The following TTC28 variants were observed in gnomAD, a reference collection of about 807,000 sequenced individuals.
TTC28 encodes the protein tetratricopeptide repeat protein 28.
Under a neutral mutation model 198.0 loss-of-function variants are expected in TTC28, and 61 were observed. The ratio of observed to expected loss-of-function variants is 0.31; its 90% CI spans 0.25 to 0.38. The LOEUF (loss-of-function observed/expected upper bound fraction) is 0.38, where lower values mean the gene tolerates loss of function less well. TTC28 is among the 10% of genes least tolerant of loss of function. The pLI is 1.00. For missense variants in TTC28, 2,678 were observed against 3,164.0 expected (o/e 0.85, Z 3.69); for synonymous variants, 1,171 against 1,297.8 (o/e 0.90, Z 2.10).
At chr22:28,663,075 C>T (rs929270664) in intron 1 of TTC28, among the ~76,000 whole-genome samples, 1 of 151,756 alleles carries the variant, frequency 6.6e-6, no homozygotes, top group Non-Finnish European at 1.5e-5. Context: ...AGTGAAACCC[C>T]GTCTGTACTA....
At chr22:28,649,785 T>G (rs1394177910) in intron 1 of TTC28, among the ~76,000 whole-genome samples, 1 of 152,234 alleles carries the variant, frequency 6.6e-6, no homozygotes, top group East Asian at 1.9e-4. Context: ...TATTAAAATT[T>G]CAAATTCAAC....
chr22:28,050,936 G>GATT (rs1390529131), intron 12 of TTC28, among the ~76,000 whole-genome samples: 4 of 152,098 alleles, frequency 2.6e-5, no homozygotes, highest in African/African-American at 9.7e-5. Flanking sequence ...GGGGTGTGTG[G>GATT]TAGCTTTATT....
intron 2 of TTC28, among the ~76,000 whole-genome samples, chr22:28,600,545 G>A (rs1430097452): frequency 2.6e-5 from 4 of 152,110 alleles, no homozygotes; most frequent in Non-Finnish European, 4.4e-5. Context: ...TTCCAATTGT[G>A]CAGTTCTACA....
intron 5 of TTC28, among the ~76,000 whole-genome samples, chr22:28,192,552 T>A (rs568562299): frequency 1.4e-4 from 22 of 152,142 alleles, no homozygotes; most frequent in Non-Finnish European, 2.8e-4. Flanking sequence ...GAGAAAAGAT[T>A]GGATGAATGG....
intron 2 of TTC28, among the ~76,000 whole-genome samples, chr22:28,524,966 C>A (rs1482657074): frequency 6.6e-6 from 1 of 152,056 alleles, no homozygotes; most frequent in Non-Finnish European, 1.5e-5. Flanking sequence ...TATTCAAAAT[C>A]ATATTTTGTT....
chr22:28,329,628 A>T (rs1165398829), intron 2 of TTC28, among the ~76,000 whole-genome samples: 1 of 152,178 alleles, frequency 6.6e-6, no homozygotes, highest in Non-Finnish European at 1.5e-5. Context: ...AGACACTTTA[A>T]TGCTGAAATG....
At chr22:28,284,183 C>G (rs1418690475) in intron 5 of TTC28, among the ~76,000 whole-genome samples, 1 of 152,080 alleles carries the variant, frequency 6.6e-6, no homozygotes, top group Non-Finnish European at 1.5e-5. Flanking sequence ...ATTACAGCAC[C>G]TTGTACATAG....
chr22:28,650,061 A>G (rs990408999), intron 1 of TTC28, among the ~76,000 whole-genome samples: 7 of 152,110 alleles, frequency 4.6e-5, no homozygotes, highest in Admixed American at 3.9e-4. Context: ...TATAATCATG[A>G]CTGTCATACA....
intron 14 of TTC28, among the ~76,000 whole-genome samples, chr22:28,010,117 A>AG (rs936486638): frequency 2.0e-5 from 3 of 152,198 alleles, no homozygotes; most frequent in African/African-American, 7.2e-5. Context: ...GGGCGGGTTC[A>AG]GGGGCCCCTT....
chr22:28,090,593 T>C (rs1348541203), intron 12 of TTC28, among the ~76,000 whole-genome samples: 1 of 152,186 alleles, frequency 6.6e-6, no homozygotes, highest in East Asian at 1.9e-4. Flanking sequence ...CATAAACATG[T>C]AAAAAGATTT....
At chr22:28,384,254 T>C (rs1395353936) in intron 2 of TTC28, among the ~76,000 whole-genome samples, 1 of 152,180 alleles carries the variant, frequency 6.6e-6, no homozygotes, top group Non-Finnish European at 1.5e-5. Context: ...GTTTGTTAGT[T>C]GGTTTTTTGT....
chr22:28,645,200 A>C (rs2051439319), intron 1 of TTC28, among the ~76,000 whole-genome samples: 1 of 152,216 alleles, frequency 6.6e-6, no homozygotes, highest in Non-Finnish European at 1.5e-5. Flanking sequence ...CCGTCTCAAA[A>C]AAAAATTGTA....
intron 2 of TTC28, among the ~76,000 whole-genome samples, chr22:28,489,145 A>T (rs2048345031): frequency 6.6e-6 from 1 of 152,030 alleles, no homozygotes; most frequent in Admixed American, 6.6e-5. Flanking sequence ...TTAGCTGGGC[A>T]CAGTAGGGCA....
At chr22:28,174,696 C>A (rs1323330360) in intron 5 of TTC28, among the ~76,000 whole-genome samples, 1 of 152,078 alleles carries the variant, frequency 6.6e-6, no homozygotes, top group African/African-American at 2.4e-5. Context: ...CTGGATGACA[C>A]AGCGAAACCC....
rs1927337054 is a variant in TTC28 at position 28,215,697 on chromosome 22, T to C, written c.934-52098A>G. Among the ~76,000 whole-genome samples, 4 of 152,120 alleles carry C rather than the reference T, an allele frequency of 2.6e-5. No homozygotes were observed. The South Asian group carries it at 8.3e-4, about 32-fold the overall frequency. On this transcript the variant is annotated intron_variant, in intron 5 of 22. Transcript: ENST00000397906. The stretch of plus-strand genomic sequence containing the variant: ...GTAAGTTGGTGTTGAATCAGAAGAC[T>C]AGGATCCTAGTGATGTTCTATCGCT...
At chr22:28,389,472 T>C (rs1041388918) in intron 2 of TTC28, among the ~76,000 whole-genome samples, 6 of 150,196 alleles carry the variant, frequency 4.0e-5, no homozygotes, top group Admixed American at 3.3e-4. Flanking sequence ...CATCTGGTCC[T>C]GGACTCTTTT....
chr22:28,225,867 A>G (rs1007832307), intron 5 of TTC28, among the ~76,000 whole-genome samples: 2 of 152,188 alleles, frequency 1.3e-5, no homozygotes, highest in African/African-American at 4.8e-5. Context: ...GTAGAGCTTC[A>G]TATAAGTGAA....
intron 5 of TTC28, among the ~76,000 whole-genome samples, chr22:28,168,354 G>A (rs542859773): frequency 1.0e-3 from 159 of 152,264 alleles, no homozygotes; most frequent in East Asian, 4.2e-3. Flanking sequence ...AAAAGAGCCC[G>A]CATTGCCAAG....
At chr22:28,085,561 CA>C (rs1458333105) in intron 12 of TTC28, among the ~76,000 whole-genome samples, 10 of 152,132 alleles carry the variant, frequency 6.6e-5, no homozygotes, top group Non-Finnish European at 1.5e-4. Flanking sequence ...AAAATCATGC[CA>C]AACTGTAAAG....
Sources: allele counts gnomAD v4.1 joint callset (sites outside exome capture counted in the v4.1 genomes callset), GRCh38; gene constraint gnomAD v4.1.1; transcripts MANE v1.5; gene names NCBI Gene and HGNC (gene_info 2026-07-23, HGNC 2026-07-21).